The following RAP1A variants were observed in gnomAD, a reference collection of about 807,000 sequenced individuals.
The protein encoded by RAP1A is ras-related protein Rap-1A.
Under a neutral mutation model 26.4 loss-of-function variants are expected in RAP1A, and 6 were observed. The observed-to-expected ratio is 0.23, with a 90% CI of 0.12 to 0.45. The LOEUF is 0.45. Ranked by LOEUF, RAP1A falls within the 20% of genes least tolerant of loss-of-function variation. The pLI is 0.99. For synonymous variants in RAP1A, 73 were observed against 79.4 expected (o/e 0.92, Z 0.43); for missense variants, 121 against 217.2 (o/e 0.56, Z 2.78).
rs1553226257 is a variant in RAP1A at position 111,688,299 on chromosome 1, G to GTA, written c.-27-3027_-27-3026dup. Among the ~76,000 whole-genome samples, 1,204 of 140,676 alleles carry GTA rather than the reference G, an allele frequency of 8.6e-3. 10 individuals carry two copies. Among genetic ancestry groups the GTA allele is most frequent in the African/African-American group, 0.015 (571 of 37,634 alleles). The allele number at this position is 140,676 out of a possible 152,430, so 92.3% of individuals were successfully genotyped here. On this transcript the variant is annotated intron_variant, in intron 1 of 7. Transcript: ENST00000369709. ...TGTGTGTGTGTGTGTGTGTGTGTGT[G>GTA]TATATATATTTTTTTCTTTCTTTCT...
intron 7 of RAP1A, among the ~76,000 whole-genome samples, chr1:111,709,952 C>G (rs1472571454): frequency 2.0e-5 from 3 of 152,144 alleles, no homozygotes; most frequent in Non-Finnish European, 4.4e-5. Flanking sequence ...TGTGCACATT[C>G]CTATATGTCT....
At chr1:111,566,052 G>A (rs151073487) in intron 1 of RAP1A, among the ~76,000 whole-genome samples, 89 of 152,126 alleles carry the variant, frequency 5.9e-4, no homozygotes, top group African/African-American at 2.1e-3. Flanking sequence ...GGTAGGCGGA[G>A]ATGAGGAAGA....
chr1:111,655,490 C>A (rs545662530), intron 1 of RAP1A, among the ~76,000 whole-genome samples: 4 of 151,762 alleles, frequency 2.6e-5, no homozygotes, highest in African/African-American at 4.8e-5. Context: ...CCTCACTAAT[C>A]GGAGAAACTT....
At chr1:111,710,711 A>C (rs72991095) in intron 7 of RAP1A, among the ~76,000 whole-genome samples, 1 of 152,208 alleles carries the variant, frequency 6.6e-6, no homozygotes, top group African/African-American at 2.4e-5. Context: ...ATGAAGGTAC[A>C]TAGAGGAAAA....
chr1:111,664,141 C>T (rs1207837180), intron 1 of RAP1A, among the ~76,000 whole-genome samples: 2 of 151,978 alleles, frequency 1.3e-5, no homozygotes, highest in South Asian at 2.1e-4. Flanking sequence ...TGGGAGGCCA[C>T]GGAGGGTGGA....
chr1:111,588,520 A>G (rs1302507760), intron 1 of RAP1A, among the ~76,000 whole-genome samples: 1 of 152,118 alleles, frequency 6.6e-6, no homozygotes, highest in Non-Finnish European at 1.5e-5. Context: ...GCCCCTGCCC[A>G]CATCTTTAGC....
At chr1:111,695,819 A>G (rs1297016573) in intron 3 of RAP1A, among the ~76,000 whole-genome samples, 2 of 152,200 alleles carry the variant, frequency 1.3e-5, no homozygotes, top group Non-Finnish European at 2.9e-5. Flanking sequence ...CTACCAAAAA[A>G]TTAGAGTCTG....
chr1:111,607,717 G>A (rs1192908431), intron 1 of RAP1A, among the ~76,000 whole-genome samples: 25 of 146,442 alleles, frequency 1.7e-4, no homozygotes, highest in African/African-American at 5.3e-4. Context: ...CCTCCCGGAC[G>A]GGGCGGCTGG....
intron 1 of RAP1A, among the ~76,000 whole-genome samples, chr1:111,557,528 C>T (rs1657549651): frequency 6.6e-6 from 1 of 150,758 alleles, no homozygotes; most frequent in African/African-American, 2.4e-5. Flanking sequence ...CCAGCCTGGG[C>T]AATAGAGTGA....
chr1:111,610,113 A>T (rs1227177030), intron 1 of RAP1A, among the ~76,000 whole-genome samples: 1 of 151,584 alleles, frequency 6.6e-6, no homozygotes, highest in Non-Finnish European at 1.5e-5. Flanking sequence ...CCTAAGACTC[A>T]CCCCCTCACT....
intron 1 of RAP1A, among the ~76,000 whole-genome samples, chr1:111,635,126 A>G (rs547639031): frequency 2.0e-5 from 3 of 152,234 alleles, no homozygotes; most frequent in Non-Finnish European, 4.4e-5. Context: ...TTTTTCCTTT[A>G]AAACTAAAAC....
intron 6 of RAP1A, among the ~76,000 whole-genome samples, chr1:111,707,779 C>A (rs72991093): frequency 0.011 from 1,652 of 152,238 alleles, 25 homozygotes; most frequent in African/African-American, 0.038. Context: ...ACTTTGGCAT[C>A]AGAATTAAAA....
chr1:111,547,175 T>C (rs1235362977), intron 1 of RAP1A, among the ~76,000 whole-genome samples: 1 of 152,142 alleles, frequency 6.6e-6, no homozygotes, highest in Non-Finnish European at 1.5e-5. Flanking sequence ...TTTTTCATGA[T>C]ACTAGGGAGA....
chr1:111,700,907 C>T (rs925355090), intron 4 of RAP1A, among the ~76,000 whole-genome samples: 3 of 152,170 alleles, frequency 2.0e-5, no homozygotes. Context: ...GCTACCACCA[C>T]TAGAATCTAA....
At chr1:111,582,088 A>T (rs966400417) in intron 1 of RAP1A, among the ~76,000 whole-genome samples, 3 of 152,208 alleles carry the variant, frequency 2.0e-5, no homozygotes, top group Admixed American at 6.5e-5. Flanking sequence ...TGCTGTCTTC[A>T]TGCAATAACC....
chr1:111,642,476 C>T (rs984914142), intron 1 of RAP1A, among the ~76,000 whole-genome samples: 1 of 151,236 alleles, frequency 6.6e-6, no homozygotes, highest in Non-Finnish European at 1.5e-5. Flanking sequence ...TTCTGATAAA[C>T]TAGAGTAGGT....
chr1:111,700,663 T>C lies in RAP1A; in HGVS notation c.184-2673T>C, dbSNP rs147872001. Among the ~76,000 whole-genome samples, 24 of 152,322 alleles carry C rather than the reference T, an allele frequency of 1.6e-4. No individual in the cohort carries two copies. The East Asian group carries it at 4.4e-3, about 28-fold the overall frequency. ...TATCTAACTGCCTCTTCAATATCTC[T>C]TTTTGTATGTCTTATAAGCATCTCA... On this transcript the variant is annotated intron_variant, in intron 4 of 7. Coordinates refer to ENST00000369709, the MANE Select transcript of RAP1A (RefSeq NM_002884.4).
intron 1 of RAP1A, among the ~76,000 whole-genome samples, chr1:111,576,855 G>C (rs1658155836): frequency 6.6e-6 from 1 of 152,148 alleles, no homozygotes; most frequent in Admixed American, 6.5e-5. Flanking sequence ...AGTATGGAGA[G>C]GGAAAACAAA....
intron 1 of RAP1A, among the ~76,000 whole-genome samples, chr1:111,630,810 G>A (rs1659545596): frequency 6.6e-6 from 1 of 152,340 alleles, no homozygotes; most frequent in South Asian, 2.1e-4. Context: ...AAGCCTGGTA[G>A]ATGAGGTTGA....
Sources: allele counts gnomAD v4.1 joint callset (sites outside exome capture counted in the v4.1 genomes callset), GRCh38; gene constraint gnomAD v4.1.1; transcripts MANE v1.5; gene names NCBI Gene and HGNC (gene_info 2026-07-23, HGNC 2026-07-21).